Variants in PMFBP1 observed in about 807,000 individuals in gnomAD.
PMFBP1 encodes the protein polyamine modulated factor 1 binding protein 1.
A neutral mutation model predicts 137.8 loss-of-function variants in PMFBP1; 131 were observed. The observed-to-expected ratio is 0.95, with a 90% CI of 0.82 to 1.10. PMFBP1 has a LOEUF of 1.10. Ranked by LOEUF, PMFBP1 falls within the 50% of genes least tolerant of loss-of-function variation. PMFBP1 has a pLI of 0.00. For missense variants in PMFBP1, 1,199 were observed against 1,175.4 expected (o/e 1.02, Z -0.29); for synonymous variants, 490 against 450.4 (o/e 1.09, Z -1.11).
chr16:72,148,114 A>G (rs547692563), intron 5 of PMFBP1, among the ~76,000 whole-genome samples: 1 of 152,304 alleles, frequency 6.6e-6, no homozygotes, highest in South Asian at 2.1e-4. Context: ...AAGTCTTGGA[A>G]CCAACCCAAA....
At chr16:72,161,222 C>T (rs1000964537) in intron 3 of PMFBP1, among the ~76,000 whole-genome samples, 32 of 151,660 alleles carry the variant, frequency 2.1e-4, no homozygotes, top group African/African-American at 7.0e-4. Flanking sequence ...CTCAGCCTCC[C>T]GAGTAGCTGG....
At chr16:72,158,684 T>G (rs1477946529) in intron 3 of PMFBP1, among the ~76,000 whole-genome samples, 1 of 152,206 alleles carries the variant, frequency 6.6e-6, no homozygotes, top group African/African-American at 2.4e-5. Context: ...GGGCTTATTT[T>G]AGTATAAATC....
intron 5 of PMFBP1, 56 bp downstream of exon 5, chr16:72,150,552 G>C: frequency 6.4e-7 from 1 of 1,550,608 alleles, no homozygotes. Context: ...TGTCTGAGGG[G>C]ACCACCTGGG....
chr16:72,173,844 TC>T (rs2043242310), upstream of PMFBP1: 1 of 152,266 alleles, frequency 6.6e-6, no homozygotes, highest in Non-Finnish European at 1.5e-5. Context: ...GCAGGGACTC[TC>T]TACCAGATCC....
Position 72,132,839 on chromosome 16 carries a change from C to A in PMFBP1, c.1356G>T (p.Lys452Asn). Residue 452 changes from lysine (K) to asparagine (N), a missense_variant, in exon 10 of 21, where the codon AAG becomes AAT. Physicochemically the swap from Lys to Asn is moderately conservative, Grantham distance 94. Transcript: ENST00000237353. ...EMTVKEAKQD[K>N]SKEAECKALQ... is the part of the protein sequence containing the mutation. The stretch of plus-strand genomic sequence containing the variant: ...GGGCCTTGCACTCCGCCTCCTTGGA[C>A]TTGTCCTGCTTAGCCTCCTTGACTG... 6.2e-7 allele frequency: 1 copy of A among 1,614,242 alleles called. No individual in the cohort carries two copies. Among genetic ancestry groups the A allele is most frequent in the East Asian group, 2.2e-5 (1 of 44,882 alleles).
At chr16:72,180,070 C>A (rs2043271034), upstream of PMFBP1, among the ~76,000 whole-genome samples, 1 of 152,210 alleles carries the variant, frequency 6.6e-6, no homozygotes, top group South Asian at 2.1e-4. Flanking sequence ...CTACAGGGGT[C>A]CTTTCCCGCA....
At chr16:72,135,740 G>GTTTTTTT (rs869189990) in intron 9 of PMFBP1, among the ~76,000 whole-genome samples, 68 of 66,818 alleles carry the variant, frequency 1.0e-3, no homozygotes, top group Non-Finnish European at 1.2e-3. Context: ...TAATTTTTCT[G>GTTTTTTT]TTTTTTTTTT....
At chr16:72,209,433 G>C in the PMFBP1 span, among the ~76,000 whole-genome samples, 24 of 151,686 alleles carry the variant, frequency 1.6e-4, no homozygotes, top group Non-Finnish European at 3.2e-4. Context: ...ATCATATATA[G>C]TTATCTATAT....
intron 1 of PMFBP1, 58 bp downstream of exon 1, chr16:72,171,996 C>A (rs535093961): frequency 1.3e-5 from 2 of 152,316 alleles, no homozygotes; most frequent in African/African-American, 2.4e-5. Context: ...TTATTAAAAT[C>A]ATCTCATTCA....
chr16:72,156,970 G>A (rs1233304789), intron 3 of PMFBP1, among the ~76,000 whole-genome samples: 4 of 151,624 alleles, frequency 2.6e-5, no homozygotes, highest in Admixed American at 6.6e-5. Context: ...GGCAGATCAC[G>A]AGGTCAGGAG....
At chr16:72,165,577 C>A (rs573909680) in intron 2 of PMFBP1, among the ~76,000 whole-genome samples, 13 of 152,086 alleles carry the variant, frequency 8.5e-5, no homozygotes, top group Non-Finnish European at 1.9e-4. Flanking sequence ...CGCCACCATG[C>A]CCGGCTAATT....
intron 2 of PMFBP1, among the ~76,000 whole-genome samples, chr16:72,170,277 A>T (rs1255491025): frequency 6.6e-6 from 1 of 151,542 alleles, no homozygotes; most frequent in African/African-American, 2.4e-5. Flanking sequence ...CCAGTAATGC[A>T]GCAGGAAAGG....
At chr16:72,125,209 G>C (rs1164382711) in intron 16 of PMFBP1, 29 bp downstream of exon 16, 3 of 1,602,370 alleles carry the variant, frequency 1.9e-6, no homozygotes, top group Non-Finnish European at 2.6e-6. Context: ...CTACCAGGAA[G>C]GCAGCCCAAG....
At chr16:72,143,851 A>T (rs1041308255) in intron 5 of PMFBP1, among the ~76,000 whole-genome samples, 1 of 151,036 alleles carries the variant, frequency 6.6e-6, no homozygotes, top group Non-Finnish European at 1.5e-5. Context: ...GGCCAGCCTG[A>T]CCAACATGGA....
At position 72,153,048 on chromosome 16, in the gene PMFBP1, T is replaced by C. The variant is rs540586642; in HGVS notation, c.414+1163A>G. 5.9e-5 allele frequency among the ~76,000 whole-genome samples: 9 copies of C among 152,212 alleles called. No individual in the cohort carries two copies. The South Asian group carries it at 1.9e-3, about 32-fold the overall frequency. ...AATATGACACAGAAATCAACTAGCT[T>C]ATTTATTTTCTGTTATATGCTGCTA... On this transcript the variant is annotated intron_variant, in intron 4 of 20. Coordinates refer to ENST00000237353, the MANE Select transcript of PMFBP1 (RefSeq NM_031293.3).
chr16:72,183,041 A>G, the PMFBP1 span, among the ~76,000 whole-genome samples: 1 of 151,904 alleles, frequency 6.6e-6, no homozygotes, highest in African/African-American at 2.4e-5. Context: ...TCCACTCCCC[A>G]TTTCAGGTCT....
In PMFBP1 at chr16:72,143,302, C is replaced by T. The variant is rs76765277; in HGVS notation, c.637-2720G>A. ...ACAATTCCACTTTGCTCTAGAGATGCTGGTCAATACGATAAGATGGAAAAT... is the reference window on the plus strand; with the variant it reads ...ACAATTCCACTTTGCTCTAGAGATGTTGGTCAATACGATAAGATGGAAAAT... On this transcript the variant is annotated intron_variant, in intron 5 of 20. Transcript: ENST00000237353. 6.5e-3 allele frequency among the ~76,000 whole-genome samples: 985 copies of T among 152,256 alleles called. 3 individuals are homozygous for T. Among genetic ancestry groups the T allele is most frequent in the Non-Finnish European group, 0.011 (762 of 68,014 alleles).
the PMFBP1 span, among the ~76,000 whole-genome samples, chr16:72,248,347 T>C: frequency 6.6e-6 from 1 of 152,190 alleles, no homozygotes; most frequent in Non-Finnish European, 1.5e-5. Flanking sequence ...ATCCTAAGAA[T>C]ATGACTACCA....
upstream of PMFBP1, among the ~76,000 whole-genome samples, chr16:72,177,853 A>G (rs903788297): frequency 2.6e-5 from 4 of 152,158 alleles, no homozygotes; most frequent in Non-Finnish European, 1.5e-5. Context: ...ACAGTACTGG[A>G]AAGTTAATTC....
Sources: allele counts gnomAD v4.1 joint callset (sites outside exome capture counted in the v4.1 genomes callset), GRCh38; gene constraint gnomAD v4.1.1; transcripts MANE v1.5; gene names NCBI Gene and HGNC (gene_info 2026-07-23, HGNC 2026-07-21).